Variants in PAPPA2 observed in about 807,000 individuals in gnomAD.
PAPPA2 encodes the protein pappalysin-2.
Under a neutral mutation model 176.4 loss-of-function variants are expected in PAPPA2, and 86 were observed. The ratio of observed to expected loss-of-function variants is 0.49; its 90% CI spans 0.41 to 0.58. The LOEUF (loss-of-function observed/expected upper bound fraction) is 0.58. Ranked by LOEUF, PAPPA2 falls within the 20% of genes least tolerant of loss-of-function variation. PAPPA2 has a pLI of 0.00. For synonymous variants in PAPPA2, 809 were observed against 852.2 expected (o/e 0.95, Z 0.88); for missense variants, 2,073 against 2,256.9 (o/e 0.92, Z 1.65).
chr1:176,838,534 G>GTAGATGTA (rs970673219), intron 21 of PAPPA2, among the ~76,000 whole-genome samples: 1 of 152,160 alleles, frequency 6.6e-6, no homozygotes, highest in African/African-American at 2.4e-5. Context: ...GGGAAACTCC[G>GTAGATGTA]TAGATGTATC....
chr1:176,735,207 C>A (rs2102867577), intron 12 of PAPPA2, among the ~76,000 whole-genome samples: 1 of 152,170 alleles, frequency 6.6e-6, no homozygotes, highest in East Asian at 1.9e-4. Flanking sequence ...CCAGCAAAGC[C>A]TGTAATCAGG....
At chr1:176,488,827 T>C (rs1215042476) in intron 1 of PAPPA2, among the ~76,000 whole-genome samples, 1 of 152,124 alleles carries the variant, frequency 6.6e-6, no homozygotes, top group Non-Finnish European at 1.5e-5. Flanking sequence ...ACCTGCCCTC[T>C]CCATCAGAAT....
chr1:176,780,873 C>T (rs1045795820), intron 17 of PAPPA2, among the ~76,000 whole-genome samples: 2 of 152,152 alleles, frequency 1.3e-5, no homozygotes, highest in Non-Finnish European at 2.9e-5. Flanking sequence ...TTTCCAGTTT[C>T]TCAACCATGC....
chr1:176,566,859 T>C (rs1652014303), intron 2 of PAPPA2, among the ~76,000 whole-genome samples: 2 of 152,142 alleles, frequency 1.3e-5, no homozygotes, highest in Non-Finnish European at 2.9e-5. Context: ...GGAGGCCAAA[T>C]AAACACTTTA....
chr1:176,813,230 T>A (rs929570892), intron 21 of PAPPA2, among the ~76,000 whole-genome samples: 1 of 152,226 alleles, frequency 6.6e-6, no homozygotes, highest in African/African-American at 2.4e-5. Flanking sequence ...TTTGCTATTG[T>A]GAATAGTGCT....
chr1:176,793,396 A>G (rs564024703), intron 19 of PAPPA2, among the ~76,000 whole-genome samples, 164 bp from the exon 20 acceptor site: 1 of 152,294 alleles, frequency 6.6e-6, no homozygotes, highest in South Asian at 2.1e-4. Context: ...AGGTATTCCT[A>G]CAGGAACACA....
intron 8 of PAPPA2, among the ~76,000 whole-genome samples, chr1:176,701,121 GA>G (rs1283242720): frequency 5.3e-5 from 8 of 152,012 alleles, no homozygotes; most frequent in African/African-American, 1.9e-4. Flanking sequence ...TGAAAAATCT[GA>G]GGCTTAACTT....
intron 1 of PAPPA2, among the ~76,000 whole-genome samples, chr1:176,505,784 A>G (rs1648226956): frequency 6.6e-6 from 1 of 152,038 alleles, no homozygotes. Context: ...AAGATAGAGT[A>G]TTGGAGAGGA....
At chr1:176,654,275 C>T (rs1458087119) in intron 3 of PAPPA2, among the ~76,000 whole-genome samples, 2 of 151,536 alleles carry the variant, frequency 1.3e-5, no homozygotes, top group African/African-American at 4.8e-5. Flanking sequence ...CTGCATATGG[C>T]AATCCAACTT....
In PAPPA2 at chr1:176,793,562, G is replaced by T. The variant is rs1665280519; in HGVS notation, c.5023G>T (p.Ala1675Ser). 2 of 1,605,894 alleles carry T rather than the reference G, an allele frequency of 1.2e-6. No homozygotes were observed. The highest frequency in any genetic ancestry group is 1.7e-6 in the Non-Finnish European group (2 of 1,173,264). ...YKCEQGYGIG[A>S]VCSPLCVIPP... is the part of the protein sequence containing the mutation. ...GCTGTAAACTTCTGTTCTTTCAGGTGCAGTGTGTTCCCCATTGTGTGTAAT... is the reference window on the plus strand; with the variant it reads ...GCTGTAAACTTCTGTTCTTTCAGGTTCAGTGTGTTCCCCATTGTGTGTAAT... The change falls in exon 20 of 23, where the codon GCA becomes TCA. Residue 1675 changes from alanine to serine, a missense_variant and splice_region_variant. Ala to Ser is a moderately conservative substitution (Grantham distance 99). Coordinates refer to ENST00000367662, the MANE Select transcript of PAPPA2 (RefSeq NM_020318.3).
rs1157207421 is a variant in PAPPA2, at chr1:176,556,960, C to T, written c.638C>T (p.Ser213Phe). The change falls in exon 2 of 23, where the codon TCC becomes TTC. Residue 213 changes from serine to phenylalanine, a missense_variant. Coordinates refer to ENST00000367662, the MANE Select transcript of PAPPA2 (RefSeq NM_020318.3). The part of the protein sequence containing the change: ...KRRAEDGQGD[S>F]GISSHFQPWP... ...CGGGCGGAAGATGGGCAGGGAGACTCCGGTATCTCTTCACATTTCCAACCT... is the reference window on the plus strand; with the variant it reads ...CGGGCGGAAGATGGGCAGGGAGACTTCGGTATCTCTTCACATTTCCAACCT... 1.2e-6 allele frequency: 2 copies of T among 1,614,064 alleles called. No homozygotes were observed. Among genetic ancestry groups the T allele is most frequent in the African/African-American group, 2.7e-5 (2 of 75,004 alleles).
intron 12 of PAPPA2, among the ~76,000 whole-genome samples, chr1:176,734,959 T>C (rs909969804): frequency 2.0e-4 from 30 of 151,964 alleles, no homozygotes; most frequent in African/African-American, 7.0e-4. Context: ...CATCAATAAG[T>C]TTTCTAATCT....
chr1:176,743,319 A>C lies in PAPPA2; in HGVS notation c.4151+3123A>C, dbSNP rs562479552. On this transcript the variant is annotated intron_variant, in intron 14 of 22. Coordinates refer to ENST00000367662, the MANE Select transcript of PAPPA2 (RefSeq NM_020318.3). ...CTTTCTTCATTCCCTGGTTCCTTTAACTTGGTTCTGTCTCAGTCTTGTTTC... is the reference window on the plus strand; with the variant it reads ...CTTTCTTCATTCCCTGGTTCCTTTACCTTGGTTCTGTCTCAGTCTTGTTTC... 1.0e-3 allele frequency among the ~76,000 whole-genome samples: 155 copies of C among 152,250 alleles called. 1 individual carries two copies. Among genetic ancestry groups the C allele is most frequent in the Middle Eastern group, 6.8e-3 (2 of 294 alleles).
intron 17 of PAPPA2, among the ~76,000 whole-genome samples, chr1:176,773,649 T>A (rs1488921307): frequency 6.6e-6 from 1 of 152,224 alleles, no homozygotes; most frequent in Non-Finnish European, 1.5e-5. Flanking sequence ...CCAACAATGT[T>A]GTTTTGAGGC....
chr1:176,604,439 G>A (rs967112036), intron 3 of PAPPA2, among the ~76,000 whole-genome samples: 7 of 152,288 alleles, frequency 4.6e-5, no homozygotes, highest in Non-Finnish European at 2.9e-5. Flanking sequence ...AAAAAGGAAT[G>A]TTCTTATTCT....
intron 1 of PAPPA2, among the ~76,000 whole-genome samples, chr1:176,535,336 G>A (rs1650013666): frequency 6.6e-6 from 1 of 152,156 alleles, no homozygotes; most frequent in Non-Finnish European, 1.5e-5. Context: ...TGACTGGGAA[G>A]CCCATACCCA....
At chr1:176,603,669 A>G (rs1573111669) in intron 3 of PAPPA2, among the ~76,000 whole-genome samples, 1 of 152,142 alleles carries the variant, frequency 6.6e-6, no homozygotes, top group Admixed American at 6.5e-5. Context: ...TCTTGGAAGC[A>G]TTCTGTTGCC....
chr1:176,761,357 C>T (rs1287475937), intron 14 of PAPPA2, among the ~76,000 whole-genome samples: 1 of 152,148 alleles, frequency 6.6e-6, no homozygotes, highest in Non-Finnish European at 1.5e-5. Context: ...TGAATCATAT[C>T]TGACAAGGTA....
At chr1:176,495,514 T>C (rs1222444529) in intron 1 of PAPPA2, among the ~76,000 whole-genome samples, 2 of 143,478 alleles carry the variant, frequency 1.4e-5, no homozygotes, top group South Asian at 2.2e-4. Context: ...CACTCCAGCC[T>C]GGCAACAAGT....
Sources: allele counts gnomAD v4.1 joint callset (sites outside exome capture counted in the v4.1 genomes callset), GRCh38; gene constraint gnomAD v4.1.1; transcripts MANE v1.5; gene names NCBI Gene and HGNC (gene_info 2026-07-23, HGNC 2026-07-21).